Variants in TBC1D22A observed in about 807,000 individuals in gnomAD.
TBC1D22A encodes the protein putative GTPase activator.
In TBC1D22A, 38 loss-of-function variants were observed where a neutral mutation model predicts 60.2. The observed-to-expected ratio is 0.63, with a 90% CI of 0.49 to 0.83. The LOEUF is 0.83. Among genes scored for constraint, TBC1D22A ranks in the 40% least tolerant of loss-of-function variants. The pLI is 0.00. For synonymous variants in TBC1D22A, 302 were observed against 281.7 expected, an observed-to-expected ratio of 1.07 and a Z score of -0.72; for missense variants, 628 against 701.0, an observed-to-expected ratio of 0.90 and a Z score of 1.18.
chr22:46,969,751 T>TG (rs1569287216), intron 8 of TBC1D22A, among the ~76,000 whole-genome samples: 1 of 152,032 alleles, frequency 6.6e-6, no homozygotes, highest in African/African-American at 2.4e-5. Context: ...TTTCTCAACT[T>TG]GGTGTCCCCA....
At chr22:47,108,838 G>T (rs545343342) in intron 11 of TBC1D22A, among the ~76,000 whole-genome samples, 4 of 152,254 alleles carry the variant, frequency 2.6e-5, no homozygotes, top group South Asian at 2.1e-4. Context: ...TGGGACTACA[G>T]GCACCCGCCA....
At chr22:47,104,103 G>A (rs1375062866) in intron 11 of TBC1D22A, among the ~76,000 whole-genome samples, 1 of 151,922 alleles carries the variant, frequency 6.6e-6, no homozygotes, top group Non-Finnish European at 1.5e-5. Context: ...TCAGGAGTTT[G>A]AGACCAGCCT....
At chr22:47,001,916 C>T (rs921495661) in intron 10 of TBC1D22A, among the ~76,000 whole-genome samples, 2 of 152,084 alleles carry the variant, frequency 1.3e-5, no homozygotes, top group East Asian at 1.9e-4. Context: ...ATTAGGATGT[C>T]GCCTAATCTG....
At position 46,797,558 on chromosome 22, in the gene TBC1D22A, A is replaced by C; in HGVS notation, c.575A>C (p.Glu192Ala). 6.2e-7 allele frequency: 1 copy of C among 1,613,688 alleles called. No homozygotes were observed. Among genetic ancestry groups the C allele is most frequent in the Non-Finnish European group, 8.5e-7 (1 of 1,179,780 alleles). Reference sequence around the variant, plus strand: ...ACTCTCAGCAGCTCAGCGCTGAGCGAAAGAGAGGCCTCCCGGCTCGACAAG... The same window carrying C: ...ACTCTCAGCAGCTCAGCGCTGAGCGCAAGAGAGGCCTCCCGGCTCGACAAG... Reference protein sequence around the residue: ...PSTLSSSALSEREASRLDKFK... With the variant: ...PSTLSSSALSAREASRLDKFK... The change falls in exon 4 of 13, where the codon GAA becomes GCA. Residue 192 changes from glutamate to alanine, a missense_variant. Glu to Ala is a moderately radical substitution (Grantham distance 107). Transcript: ENST00000337137.
At position 46,980,225 on chromosome 22, in the gene TBC1D22A, C is replaced by T. The variant is rs531699329; in HGVS notation, c.1125+5826C>T. Among the ~76,000 whole-genome samples the T allele has an allele frequency of 4.8e-4, 73 of 152,330 alleles. 1 individual carries two copies. The Middle Eastern group carries it at 0.014, about 28-fold the overall frequency. On this transcript the variant is annotated intron_variant, in intron 9 of 12. Coordinates refer to ENST00000337137, the MANE Select transcript of TBC1D22A (RefSeq NM_014346.5). ...TGAGATGGAGTCTCGCTCTGTTGCA[C>T]AGGTCGGAGTACAGTGGTGTGATAC...
intron 11 of TBC1D22A, among the ~76,000 whole-genome samples, chr22:47,071,745 T>A (rs1015702159): frequency 6.6e-6 from 1 of 152,306 alleles, no homozygotes; most frequent in South Asian, 2.1e-4. Context: ...GGAAAAGAAA[T>A]GAGCCAGTCC....
At chr22:47,169,081 G>C (rs1393806640) in intron 12 of TBC1D22A, among the ~76,000 whole-genome samples, 1 of 152,188 alleles carries the variant, frequency 6.6e-6, no homozygotes, top group Non-Finnish European at 1.5e-5. Context: ...GTCCACTGCT[G>C]TGTGGTCCAT....
intron 10 of TBC1D22A, among the ~76,000 whole-genome samples, chr22:47,015,438 C>T (rs536102120): frequency 1.2e-4 from 19 of 152,314 alleles, no homozygotes; most frequent in East Asian, 7.7e-4. Context: ...ACGCCCACCC[C>T]GTTTTACACT....
At chr22:46,884,491 G>A (rs1342786869) in intron 5 of TBC1D22A, among the ~76,000 whole-genome samples, 2 of 152,202 alleles carry the variant, frequency 1.3e-5, no homozygotes, top group Non-Finnish European at 2.9e-5. Context: ...CCACAGCCGG[G>A]GAGGTGGAGA....
At chr22:46,907,196 G>A (rs1475188551) in intron 7 of TBC1D22A, among the ~76,000 whole-genome samples, 1 of 152,126 alleles carries the variant, frequency 6.6e-6, no homozygotes, top group Non-Finnish European at 1.5e-5. Context: ...CTGCATAGAA[G>A]GCTCCTCTCC....
intron 8 of TBC1D22A, among the ~76,000 whole-genome samples, chr22:46,918,508 G>A (rs1602482175): frequency 6.6e-6 from 1 of 152,104 alleles, no homozygotes; most frequent in East Asian, 1.9e-4. Context: ...GTATGGTGGT[G>A]TGGTAAGGAA....
At chr22:47,090,780 G>C (rs116712909) in intron 11 of TBC1D22A, among the ~76,000 whole-genome samples, 2 of 144,572 alleles carry the variant, frequency 1.4e-5, no homozygotes, top group Admixed American at 6.9e-5. Flanking sequence ...ACGAGAAATC[G>C]TCTTTGGTGG....
chr22:46,894,923 C>T (rs2147630500), intron 7 of TBC1D22A, 77 bp downstream of exon 7: 3 of 1,532,164 alleles, frequency 2.0e-6, no homozygotes, highest in Non-Finnish European at 2.7e-6. Flanking sequence ...ACAGTGGGCG[C>T]AGCCGGAGGT....
intron 12 of TBC1D22A, among the ~76,000 whole-genome samples, chr22:47,155,985 G>C (rs6008047): frequency 0.13 from 20,085 of 152,222 alleles, 1,523 homozygotes; most frequent in African/African-American, 0.2. Context: ...TCTGTGGTGT[G>C]TGCCCAGCGT....
At chr22:47,064,737 C>CTGT in intron 11 of TBC1D22A, among the ~76,000 whole-genome samples, 1 of 152,266 alleles carries the variant, frequency 6.6e-6, no homozygotes, top group Admixed American at 6.5e-5. Flanking sequence ...TGAGATTGTC[C>CTGT]CTCTAAGTGT....
chr22:47,077,104 A>G (rs2064259221), intron 11 of TBC1D22A, among the ~76,000 whole-genome samples: 1 of 152,208 alleles, frequency 6.6e-6, no homozygotes, highest in Non-Finnish European at 1.5e-5. Flanking sequence ...GCACATGACC[A>G]CTTGTTCCTG....
chr22:47,003,710 GCCTGT>G (rs2061477868), intron 10 of TBC1D22A, among the ~76,000 whole-genome samples: 1 of 92,426 alleles, frequency 1.1e-5, no homozygotes, highest in African/African-American at 5.0e-5. Flanking sequence ...CTACACACAT[GCCTGT>G]ATACACACAC....
chr22:46,881,577 C>G (rs1602292866), intron 5 of TBC1D22A, among the ~76,000 whole-genome samples: 1 of 152,184 alleles, frequency 6.6e-6, no homozygotes. Context: ...ACTCAGGGAA[C>G]AGGCTGTTCT....
chr22:47,085,842 A>G (rs1233925276), intron 11 of TBC1D22A, among the ~76,000 whole-genome samples: 1 of 152,216 alleles, frequency 6.6e-6, no homozygotes, highest in African/African-American at 2.4e-5. Flanking sequence ...GAATCCAGAG[A>G]TGGGAGAATA....
Sources: gnomAD v4.1 joint callset for allele counts (sites outside exome capture counted in the v4.1 genomes callset) on GRCh38, gnomAD v4.1.1 for gene constraint, MANE v1.5 for transcripts, NCBI Gene and HGNC (gene_info 2026-07-23, HGNC 2026-07-21) for gene names.